The following MECOM variants were observed in gnomAD, a reference collection of about 807,000 sequenced individuals.
MECOM encodes the protein histone-lysine N-methyltransferase MECOM.
Under a neutral mutation model 116.3 loss-of-function variants are expected in MECOM, and 13 were observed. The observed-to-expected ratio is 0.11, with a 90% CI of 0.07 to 0.18. MECOM has a LOEUF of 0.18. MECOM is among the 10% of genes least tolerant of loss of function. The pLI, the probability that MECOM is intolerant of heterozygous loss-of-function variation, is 1.00. For missense variants in MECOM, 1,299 were observed against 1,509.0 expected (o/e 0.86, Z 2.31); for synonymous variants, 528 against 535.2 (o/e 0.99, Z 0.19).
Position 169,115,419 on chromosome 3 carries a change from G to C in MECOM, c.2453C>G (p.Ala818Gly). 2 of 1,614,158 alleles carry C rather than the reference G, an allele frequency of 1.2e-6. No homozygotes were observed. Among genetic ancestry groups the C allele is most frequent in the Non-Finnish European group, 1.7e-6 (2 of 1,180,018 alleles). Residue 818 changes from alanine to glycine, a missense_variant, in exon 8 of 17, where the codon GCA becomes GGA. Ala to Gly is a moderately conservative substitution (Grantham distance 60). Around this residue, in one of 6 missense-constraint regions of MECOM, gnomAD observed 340 missense variants for 312.6 expected, o/e 1.09. Transcript: ENST00000651503. ...GTCCATAAAGAAAGGAGTGGGTCTT[G>C]CATGCTGCAAGGAACCATCTGAAGC... ...RPASDGSLQH[A>G]RPTPFFMDPI...
intron 2 of MECOM, among the ~76,000 whole-genome samples, chr3:169,293,387 C>T (rs761630523): frequency 8.5e-5 from 13 of 152,228 alleles, no homozygotes; most frequent in East Asian, 1.9e-4. Flanking sequence ...CTCATTCATT[C>T]GCACTAGCCT....
At chr3:169,475,697 T>C (rs1750252479) in intron 1 of MECOM, among the ~76,000 whole-genome samples, 1 of 152,174 alleles carries the variant, frequency 6.6e-6, no homozygotes, top group African/African-American at 2.4e-5. Context: ...TGCCAGATTT[T>C]GTAATCCTTT....
intron 2 of MECOM, among the ~76,000 whole-genome samples, chr3:169,196,701 A>G (rs753880398): frequency 1.2e-4 from 19 of 152,074 alleles, no homozygotes; most frequent in Admixed American, 2.6e-4. Flanking sequence ...AAGAATGCTT[A>G]TACACTGCTG....
At chr3:169,155,086 A>G (rs919079370) in intron 2 of MECOM, among the ~76,000 whole-genome samples, 1 of 152,214 alleles carries the variant, frequency 6.6e-6, no homozygotes, top group African/African-American at 2.4e-5. Context: ...GCTTTCCATC[A>G]TAAACTAAAC....
intron 2 of MECOM, among the ~76,000 whole-genome samples, chr3:169,261,656 G>A (rs1757557207): frequency 2.0e-5 from 3 of 152,080 alleles, no homozygotes; most frequent in South Asian, 2.1e-4. Context: ...AGCCGATATC[G>A]TGCCATTGCA....
At chr3:169,228,256 G>A (rs1752978822) in intron 2 of MECOM, among the ~76,000 whole-genome samples, 2 of 152,092 alleles carry the variant, frequency 1.3e-5, no homozygotes, top group Admixed American at 1.3e-4. Context: ...CCATATTCCG[G>A]GCAATACTAT....
At chr3:169,369,280 C>T (rs952625879) in intron 2 of MECOM, among the ~76,000 whole-genome samples, 3 of 149,890 alleles carry the variant, frequency 2.0e-5, no homozygotes, top group African/African-American at 7.4e-5. Context: ...TGAGCCCAGG[C>T]CAAAACCAGA....
chr3:169,451,688 T>C (rs1162957683), intron 1 of MECOM, among the ~76,000 whole-genome samples: 1 of 152,188 alleles, frequency 6.6e-6, no homozygotes, highest in Non-Finnish European at 1.5e-5. Context: ...GAGATGTCTT[T>C]AGTGTATTAT....
intron 1 of MECOM, among the ~76,000 whole-genome samples, chr3:169,427,898 G>A (rs1215496532): frequency 6.6e-6 from 1 of 152,156 alleles, no homozygotes; most frequent in Non-Finnish European, 1.5e-5. Flanking sequence ...TCAGAATGTG[G>A]TCATAAGGAG....
intron 2 of MECOM, among the ~76,000 whole-genome samples, chr3:169,335,644 A>T (rs992756578): frequency 6.6e-6 from 1 of 152,170 alleles, no homozygotes; most frequent in Non-Finnish European, 1.5e-5. Context: ...CACAGTTGAT[A>T]GGACTTAAAA....
chr3:169,179,684 C>G (rs1745686912), intron 2 of MECOM, among the ~76,000 whole-genome samples: 1 of 152,184 alleles, frequency 6.6e-6, no homozygotes, highest in African/African-American at 2.4e-5. Flanking sequence ...CACTTGGCAC[C>G]TCTTACAAGC....
chr3:169,282,280 C>A (rs1324030437), intron 2 of MECOM, among the ~76,000 whole-genome samples: 1 of 152,110 alleles, frequency 6.6e-6, no homozygotes, highest in Non-Finnish European at 1.5e-5. Context: ...CTCCACAGTA[C>A]CTTATTTTCA....
intron 2 of MECOM, among the ~76,000 whole-genome samples, chr3:169,172,537 C>G (rs1744592609): frequency 6.6e-6 from 1 of 151,802 alleles, no homozygotes; most frequent in Non-Finnish European, 1.5e-5. Context: ...TAATTTTACC[C>G]ATACATAGGA....
intron 2 of MECOM, among the ~76,000 whole-genome samples, chr3:169,328,043 A>T (rs899895332): frequency 6.6e-6 from 1 of 152,194 alleles, no homozygotes. Context: ...CTGTCTCAAG[A>T]TTACAACATT....
intron 1 of MECOM, among the ~76,000 whole-genome samples, chr3:169,637,139 A>G (rs1467217429): frequency 6.6e-6 from 1 of 152,202 alleles, no homozygotes. Flanking sequence ...GTTAGAAGCC[A>G]TATGCAAACA....
chr3:169,312,077 CTGAGTTGGGA>C (rs1718881482), intron 2 of MECOM, among the ~76,000 whole-genome samples: 1 of 152,100 alleles, frequency 6.6e-6, no homozygotes, highest in Non-Finnish European at 1.5e-5. Context: ...GCATTTGACT[CTGAGTTGGGA>C]CGCCACTAGA....
At chr3:169,307,749 C>T (rs546946270) in intron 2 of MECOM, among the ~76,000 whole-genome samples, 20 of 152,200 alleles carry the variant, frequency 1.3e-4, no homozygotes, top group Non-Finnish European at 2.5e-4. Context: ...CCCTACCATC[C>T]TTGTTTCCCA....
intron 1 of MECOM, among the ~76,000 whole-genome samples, chr3:169,416,813 A>T (rs1164619734): frequency 2.0e-5 from 3 of 152,116 alleles, no homozygotes; most frequent in African/African-American, 7.2e-5. Flanking sequence ...CATATCTACA[A>T]CTATCTGATC....
intron 1 of MECOM, among the ~76,000 whole-genome samples, chr3:169,578,384 T>G (rs539315583): frequency 6.6e-6 from 1 of 152,254 alleles, no homozygotes; most frequent in South Asian, 2.1e-4. Flanking sequence ...TCCAAACCAC[T>G]TTTTTCCTGA....
Sources: gnomAD v4.1 joint callset for allele counts (sites outside exome capture counted in the v4.1 genomes callset) on GRCh38, gnomAD v4.1.1 for gene constraint, gnomAD v4.1.1 regional missense constraint, MANE v1.5 for transcripts, NCBI Gene and HGNC (gene_info 2026-07-23, HGNC 2026-07-21) for gene names.